NF1: variants seen among roughly 807,000 people sequenced by gnomAD.
NF1 encodes the protein neurofibromin.
NF1 carries 122 observed loss-of-function variants against 325.7 expected under a neutral mutation model. The ratio of observed to expected loss-of-function variants is 0.37; its 90% CI spans 0.32 to 0.44. The LOEUF (loss-of-function observed/expected upper bound fraction) is 0.44, where lower values mean the gene tolerates loss of function less well. Among genes scored for constraint, NF1 ranks in the 20% least tolerant of loss-of-function variants. The probability of loss-of-function intolerance (pLI) is 1.00; values close to 1 mark genes in which losing one functional copy is unlikely to be tolerated. For synonymous variants in NF1, 1,091 were observed against 1,186.0 expected (o/e 0.92, Z 1.65); for missense variants, 2,140 against 3,415.4 (o/e 0.63, Z 9.31).
chr17:31,319,993 C>T lies in NF1; in HGVS notation c.4836-5827C>T, dbSNP rs2069138191. Reference sequence around the variant, plus strand: ...GAAAATGTTGAATTTCCGCTTTGGCCCTGAGCTTGCTGGAAACTAGTACAA... The same window carrying T: ...GAAAATGTTGAATTTCCGCTTTGGCTCTGAGCTTGCTGGAAACTAGTACAA... On this transcript the variant is annotated intron_variant, in intron 36 of 57. Coordinates refer to ENST00000358273, the MANE Select transcript of NF1 (RefSeq NM_001042492.3). Among the ~76,000 whole-genome samples, 2 of 151,856 alleles carry T rather than the reference C, an allele frequency of 1.3e-5. 1 individual carries two copies. The highest frequency in any genetic ancestry group is 4.1e-4 in the South Asian group (2 of 4,826).
At chr17:31,340,253 G>A in intron 46 of NF1, 1 of 521,598 alleles carries the variant, frequency 1.9e-6, no homozygotes. Flanking sequence ...ACAAACCTTG[G>A]TGACTGGATT....
intron 36 of NF1, among the ~76,000 whole-genome samples, chr17:31,310,896 A>G (rs1025576604): frequency 6.6e-6 from 1 of 151,828 alleles, no homozygotes; most frequent in African/African-American, 2.4e-5. Flanking sequence ...AACATTTTAA[A>G]GACAGTTACA....
At chr17:31,272,917 T>C (rs187894746) in intron 36 of NF1, among the ~76,000 whole-genome samples, 3 of 152,326 alleles carry the variant, frequency 2.0e-5, no homozygotes, top group Non-Finnish European at 2.9e-5. Context: ...CCTTTCTTTG[T>C]TGTCAACATC....
chr17:31,125,356 G>T (rs1914791160), intron 1 of NF1, among the ~76,000 whole-genome samples: 1 of 151,486 alleles, frequency 6.6e-6, no homozygotes, highest in South Asian at 2.1e-4. Flanking sequence ...TGCACATTTG[G>T]ATTGTTTCTA....
intron 29 of NF1, among the ~76,000 whole-genome samples, chr17:31,242,136 G>T (rs2067306705): frequency 6.6e-6 from 1 of 150,562 alleles, no homozygotes; most frequent in Non-Finnish European, 1.5e-5. Flanking sequence ...TATGTTATTT[G>T]TTTCTTTCCT....
chr17:31,165,005 T>C (rs1047958791), intron 4 of NF1, among the ~76,000 whole-genome samples: 2 of 152,136 alleles, frequency 1.3e-5, no homozygotes, highest in Non-Finnish European at 2.9e-5. Flanking sequence ...CAAACCCTTT[T>C]CATTTAGGTG....
intron 1 of NF1, among the ~76,000 whole-genome samples, chr17:31,119,923 T>A (rs1227277073): frequency 6.6e-6 from 1 of 152,192 alleles, no homozygotes; most frequent in Non-Finnish European, 1.5e-5. Context: ...TGGTTATAGA[T>A]GTGTGGTGTT....
intron 1 of NF1, among the ~76,000 whole-genome samples, chr17:31,096,039 G>C (rs541460606): frequency 6.6e-6 from 1 of 151,608 alleles, no homozygotes; most frequent in Non-Finnish European, 1.5e-5. Flanking sequence ...CCCATATCCT[G>C]ATGACACAGA....
intron 48 of NF1, among the ~76,000 whole-genome samples, chr17:31,344,934 C>T (rs1470161594): frequency 6.6e-6 from 1 of 152,112 alleles, no homozygotes; most frequent in East Asian, 1.9e-4. Flanking sequence ...ACCAGCCTGG[C>T]CAACACGGTG....
chr17:31,275,750 A>G (rs1031594766), intron 36 of NF1, among the ~76,000 whole-genome samples: 2 of 152,142 alleles, frequency 1.3e-5, no homozygotes, highest in African/African-American at 4.8e-5. Context: ...TTCACGTCAG[A>G]ATCAGTCATT....
intron 3 of NF1, 29 bp downstream of exon 3, chr17:31,159,122 C>A (rs2143647233): frequency 1.4e-6 from 2 of 1,457,632 alleles, no homozygotes; most frequent in Non-Finnish European, 1.9e-6. Context: ...AGTAGGCAGG[C>A]TTTGTGAATT....
At chr17:31,132,007 T>C (rs1915430314) in intron 1 of NF1, among the ~76,000 whole-genome samples, 1 of 152,186 alleles carries the variant, frequency 6.6e-6, no homozygotes, top group Non-Finnish European at 1.5e-5. Context: ...CACTGTTCAC[T>C]GCAGCCTTAA....
At chr17:31,150,136 A>G (rs983952062) in intron 1 of NF1, among the ~76,000 whole-genome samples, 1 of 152,208 alleles carries the variant, frequency 6.6e-6, no homozygotes, top group Non-Finnish European at 1.5e-5. Context: ...TGGATTTCAC[A>G]TATTTTTGGG....
chr17:31,099,166 C>T (rs1015591657), intron 1 of NF1, among the ~76,000 whole-genome samples: 6 of 152,004 alleles, frequency 3.9e-5, no homozygotes, highest in Non-Finnish European at 7.4e-5. Context: ...TTCTAATATT[C>T]GGTGTGATTA....
At chr17:31,331,939 A>AAAAAAAAAAAAAT (rs2069506002) in intron 39 of NF1, 1 of 139,698 alleles carries the variant, frequency 7.2e-6, no homozygotes, top group African/African-American at 2.7e-5. Context: ...AAAAAAAAAA[A>AAAAAAAAAAAAAT]GTTGTATATA....
At chr17:31,100,847 C>T (rs1011859821) in intron 1 of NF1, among the ~76,000 whole-genome samples, 2 of 152,214 alleles carry the variant, frequency 1.3e-5, no homozygotes, top group Non-Finnish European at 2.9e-5. Context: ...GGATTACAGG[C>T]ATGAGCCACC....
rs761440991 is a variant in NF1 at position 31,108,261 on chromosome 17, AGTTTTTTTT to A, written c.60+12893_60+12901del. ...AAAAGTTTCCAACATAAAAGTAGAGAGTTTTTTTTTTTTTTTTTTTTTTTTTTTTCTGAG... is the reference window on the plus strand; with the variant it reads ...AAAAGTTTCCAACATAAAAGTAGAGATTTTTTTTTTTTTTTTTTTTCTGAG... On this transcript the variant is annotated intron_variant, in intron 1 of 57. Coordinates refer to ENST00000358273, the MANE Select transcript of NF1 (RefSeq NM_001042492.3). Among the ~76,000 whole-genome samples the A allele has an allele frequency of 6.3e-4, 72 of 113,956 alleles. 1 individual carries two copies. Among genetic ancestry groups the A allele is most frequent in the Admixed American group, 3.4e-3 (35 of 10,236 alleles). The allele number at this position is 113,956 out of a possible 152,430, so 74.8% of individuals were successfully genotyped here. A position where few individuals can be genotyped will look rare whatever the true frequency, so the allele number is the denominator to read the frequency against.
chr17:31,316,026 AG>A (rs1288127005), intron 36 of NF1, among the ~76,000 whole-genome samples: 5 of 152,078 alleles, frequency 3.3e-5, no homozygotes, highest in African/African-American at 1.2e-4. Flanking sequence ...CCTCTCGAGT[AG>A]CTAGGACTAC....
chr17:31,130,751 C>T (rs932605437), intron 1 of NF1, among the ~76,000 whole-genome samples: 14 of 152,156 alleles, frequency 9.2e-5, no homozygotes, highest in Non-Finnish European at 1.9e-4. Context: ...TGGGAGGGTG[C>T]TTGCACGCAT....
Sources: gnomAD v4.1 joint callset for allele counts (sites outside exome capture counted in the v4.1 genomes callset) on GRCh38, gnomAD v4.1.1 for gene constraint, MANE v1.5 for transcripts, NCBI Gene and HGNC (gene_info 2026-07-23, HGNC 2026-07-21) for gene names.